ATP8A2: variants seen among roughly 807,000 people sequenced by gnomAD.
ATP8A2 encodes ATPase phospholipid transporting 8A2.
In ATP8A2, 100 loss-of-function variants were observed where a neutral mutation model predicts 165.6. The observed-to-expected ratio is 0.60, with a 90% CI of 0.51 to 0.71. ATP8A2 has a LOEUF of 0.71. ATP8A2 is among the 30% of genes least tolerant of loss of function. ATP8A2 has a pLI of 0.00. For missense variants in ATP8A2, 1,227 were observed against 1,479.5 expected, an observed-to-expected ratio of 0.83 and a Z score of 2.80; for synonymous variants, 543 against 548.8, an observed-to-expected ratio of 0.99 and a Z score of 0.15.
At chr13:25,853,942 T>A (rs1477974343) in intron 30 of ATP8A2, among the ~76,000 whole-genome samples, 2 of 152,108 alleles carry the variant, frequency 1.3e-5, no homozygotes, top group African/African-American at 4.8e-5. Flanking sequence ...GATATAAAAA[T>A]CTCCATTTTA....
chr13:25,574,181 T>G (rs1368889194), intron 18 of ATP8A2, among the ~76,000 whole-genome samples: 1 of 152,204 alleles, frequency 6.6e-6, no homozygotes, highest in Non-Finnish European at 1.5e-5. Context: ...CATTCTAACT[T>G]GAAAGAACCC....
chr13:25,813,621 T>C (rs1950936292), intron 27 of ATP8A2, among the ~76,000 whole-genome samples: 1 of 152,110 alleles, frequency 6.6e-6, no homozygotes, highest in Admixed American at 6.5e-5. Context: ...GAATGGAATC[T>C]TGTGGAGGTG....
chr13:25,816,524 C>T (rs912902166), intron 27 of ATP8A2, among the ~76,000 whole-genome samples: 2 of 152,176 alleles, frequency 1.3e-5, no homozygotes, highest in Admixed American at 6.5e-5. Context: ...CTCCTCCAGA[C>T]GTAACCTGTT....
At chr13:25,400,149 C>G (rs1593256280) in intron 1 of ATP8A2, among the ~76,000 whole-genome samples, 1 of 152,066 alleles carries the variant, frequency 6.6e-6, no homozygotes, top group Non-Finnish European at 1.5e-5. Flanking sequence ...TGTGTGAACT[C>G]CTGGGCTCAA....
intron 33 of ATP8A2, among the ~76,000 whole-genome samples, chr13:25,920,633 C>T (rs1260796389): frequency 1.3e-5 from 2 of 152,228 alleles, no homozygotes; most frequent in South Asian, 2.1e-4. Flanking sequence ...AAGAACCTCA[C>T]GGTCTCTGGC....
At chr13:25,468,757 G>GGGGCGTGGGCGT (rs1181821721) in intron 1 of ATP8A2, 1 of 883,380 alleles carries the variant, frequency 1.1e-6, no homozygotes, top group East Asian at 1.2e-4. Context: ...GGGGCCGCGC[G>GGGGCGTGGGCGT]GGGCGTGGGC....
intron 24 of ATP8A2, among the ~76,000 whole-genome samples, chr13:25,663,525 C>T (rs2042092146): frequency 6.6e-6 from 1 of 152,096 alleles, no homozygotes; most frequent in Non-Finnish European, 1.5e-5. Context: ...TTGTGTGCCA[C>T]TGAGGTGCAT....
At chr13:25,936,669 C>T (rs545708183) in intron 33 of ATP8A2, among the ~76,000 whole-genome samples, 10 of 152,306 alleles carry the variant, frequency 6.6e-5, no homozygotes, top group South Asian at 2.1e-4. Context: ...GAGGAATCAT[C>T]GGAAGACAGT....
At chr13:25,627,880 T>G (rs1438407163) in intron 24 of ATP8A2, among the ~76,000 whole-genome samples, 3 of 152,224 alleles carry the variant, frequency 2.0e-5, no homozygotes, top group Non-Finnish European at 4.4e-5. Context: ...TAGTTGATGA[T>G]GCCAGCTCTC....
At chr13:25,784,191 G>A (rs201245361) in intron 27 of ATP8A2, among the ~76,000 whole-genome samples, 1 of 110 alleles carries the variant, frequency 9.1e-3, no homozygotes, top group East Asian at 0.17. Flanking sequence ...GGTTTAAAAA[G>A]GAGTCTTTGG....
At position 25,929,311 on chromosome 13, in the gene ATP8A2, A is replaced by G. The variant is rs374832383; in HGVS notation, c.3184-32264A>G. Among the ~76,000 whole-genome samples the G allele has an allele frequency of 6.8e-4, 103 of 152,202 alleles. 2 individuals are homozygous for G. In the South Asian group the frequency reaches 0.021, roughly 31 times the overall value. Reference sequence around the variant, plus strand: ...GAAGGCAGATGGGATGCCCGTTGCCATAGTGACCATCCTGGAACGGTGAGG... The same window carrying G: ...GAAGGCAGATGGGATGCCCGTTGCCGTAGTGACCATCCTGGAACGGTGAGG... On this transcript the variant is annotated intron_variant, in intron 33 of 36. Coordinates refer to ENST00000381655, the MANE Select transcript of ATP8A2 (RefSeq NM_016529.6).
chr13:25,910,740 G>T (rs898351620), intron 33 of ATP8A2, among the ~76,000 whole-genome samples: 2 of 152,096 alleles, frequency 1.3e-5, no homozygotes, highest in Non-Finnish European at 2.9e-5. Flanking sequence ...TGGTCTTTGC[G>T]CAATATCCAT....
intron 2 of ATP8A2, among the ~76,000 whole-genome samples, chr13:25,516,783 CTTTTTTT>C (rs770018909): frequency 1.5e-5 from 2 of 135,890 alleles, no homozygotes; most frequent in Non-Finnish European, 3.2e-5. Context: ...TTCTTTCTTA[CTTTTTTT>C]TTTTTTTTGA....
chr13:25,965,559 A>C (rs912446193), intron 34 of ATP8A2, among the ~76,000 whole-genome samples: 1 of 152,238 alleles, frequency 6.6e-6, no homozygotes, highest in Non-Finnish European at 1.5e-5. Context: ...AGATGCATGA[A>C]GTTTAAATTG....
intron 1 of ATP8A2, among the ~76,000 whole-genome samples, chr13:25,398,010 G>C (rs2033488931): frequency 6.6e-6 from 1 of 152,136 alleles, no homozygotes; most frequent in South Asian, 2.1e-4. Context: ...GAAGCCTCCA[G>C]GTAGCAGCCT....
At chr13:25,642,145 AC>A (rs2041542235) in intron 24 of ATP8A2, among the ~76,000 whole-genome samples, 1 of 152,124 alleles carries the variant, frequency 6.6e-6, no homozygotes, top group Non-Finnish European at 1.5e-5. Flanking sequence ...AACCATAAAA[AC>A]CCTAGAAGAA....
chr13:25,594,973 T>A (rs1009610404), intron 24 of ATP8A2, among the ~76,000 whole-genome samples: 1 of 75,656 alleles, frequency 1.3e-5, no homozygotes, highest in South Asian at 3.3e-4. Context: ...GAAACTGTGG[T>A]GTGTGTGTGT....
At position 25,581,871 on chromosome 13, in the gene ATP8A2, T is replaced by A; in HGVS notation, c.2060T>A (p.Val687Asp). The A allele has an allele frequency of 6.2e-7, 1 of 1,614,010 alleles. No homozygotes were observed. The highest frequency in any genetic ancestry group is 8.5e-7 in the Non-Finnish European group (1 of 1,179,904). ...TAIEDRLQAG[V>D]PETIATLLKA... Reference sequence around the variant, plus strand: ...ATAGAAGATCGCCTTCAAGCAGGAGTTCCAGAAACCATCGCAACACTGTTG... The same window carrying A: ...ATAGAAGATCGCCTTCAAGCAGGAGATCCAGAAACCATCGCAACACTGTTG... The change falls in exon 23 of 37, where the codon GTT becomes GAT. Residue 687 changes from valine (V) to aspartate (D), a missense_variant. This residue lies in a region of ATP8A2 where 592 missense variants were observed against 785.6 expected (regional missense o/e 0.75). Transcript: ENST00000381655.
chr13:25,841,812 T>C (rs1220182019), intron 30 of ATP8A2, among the ~76,000 whole-genome samples: 2 of 152,174 alleles, frequency 1.3e-5, no homozygotes, highest in Non-Finnish European at 2.9e-5. Flanking sequence ...AACAGAAATG[T>C]ATTTGGCTCA....
Sources: gnomAD v4.1 joint callset for allele counts (sites outside exome capture counted in the v4.1 genomes callset) on GRCh38, gnomAD v4.1.1 for gene constraint, gnomAD v4.1.1 regional missense constraint, MANE v1.5 for transcripts, NCBI Gene and HGNC (gene_info 2026-07-23, HGNC 2026-07-21) for gene names.